The following VPS8 variants were observed in gnomAD, a reference collection of about 807,000 sequenced individuals.
VPS8 encodes the protein VPS8 subunit of CORVET complex, also known as vacuolar protein sorting-associated protein 8 homolog.
VPS8 carries 129 observed loss-of-function variants against 216.4 expected under a neutral mutation model. That is an observed-to-expected ratio of 0.60 (90% CI 0.52 to 0.69). The LOEUF (loss-of-function observed/expected upper bound fraction) is 0.69. VPS8 is among the 30% of genes least tolerant of loss of function. VPS8 has a pLI of 0.00. For synonymous variants in VPS8, 571 were observed against 565.4 expected (o/e 1.01, Z -0.14); for missense variants, 1,531 against 1,683.5 (o/e 0.91, Z 1.59).
chr3:184,869,666 C>G (rs1270890971), intron 20 of VPS8, 138 bp downstream of exon 20: 2 of 784,674 alleles, frequency 2.5e-6, no homozygotes, highest in Non-Finnish European at 4.0e-6. Context: ...CACACAGACA[C>G]ACACTTGGGG....
chr3:184,875,715 G>A (rs1304447206), intron 21 of VPS8, among the ~76,000 whole-genome samples: 2 of 151,578 alleles, frequency 1.3e-5, no homozygotes, highest in Non-Finnish European at 2.9e-5. Flanking sequence ...GGCCAGGGAT[G>A]ATGGCTCACA....
intron 21 of VPS8, among the ~76,000 whole-genome samples, chr3:184,878,360 C>T (rs565100547): frequency 1.3e-5 from 2 of 152,158 alleles, no homozygotes; most frequent in African/African-American, 2.4e-5. Context: ...CCACCCGCCT[C>T]GGCCTCCTAA....
chr3:185,005,815 T>C (rs1754168964), intron 45 of VPS8, among the ~76,000 whole-genome samples: 1 of 152,130 alleles, frequency 6.6e-6, no homozygotes, highest in Non-Finnish European at 1.5e-5. Flanking sequence ...CTTTAGGGTT[T>C]TTAAGGTACA....
At chr3:185,045,177 C>T (rs1176160072) in intron 46 of VPS8, among the ~76,000 whole-genome samples, 2 of 42,362 alleles carry the variant, frequency 4.7e-5, no homozygotes, top group Non-Finnish European at 8.8e-5. Flanking sequence ...CCACCAGTGT[C>T]AATACAAAGT....
At position 184,833,030 on chromosome 3, in the gene VPS8, A is replaced by G. The variant is rs571969150; in HGVS notation, c.353+211A>G. On this transcript the variant is annotated intron_variant, in intron 4 of 47. Coordinates refer to ENST00000625842, the MANE Select transcript of VPS8 (RefSeq NM_001009921.3). The stretch of plus-strand genomic sequence containing the variant: ...CAGTCTGAACTCTCGGTAGGAAACC[A>G]TAATGATAGCCAGGGACTTCTGGAA... Among the ~76,000 whole-genome samples the G allele has an allele frequency of 1.6e-4, 25 of 152,296 alleles. 1 individual carries two copies. Among genetic ancestry groups the G allele is most frequent in the African/African-American group, 5.5e-4 (23 of 41,580 alleles).
chr3:184,963,290 C>T (rs1171873607), intron 37 of VPS8, among the ~76,000 whole-genome samples: 1 of 152,096 alleles, frequency 6.6e-6, no homozygotes, highest in Non-Finnish European at 1.5e-5. Flanking sequence ...ACTGACATCT[C>T]TGTAGTGTTG....
In VPS8 at chr3:184,913,544, G is replaced by T. The variant is rs1426585386; in HGVS notation, c.2172G>T (p.Lys724Asn). ...ATGAACAAGTTGTTATGGGCAATAA[G>T]CTCCTTGTATATATTAGGTAAGATT... The part of the protein sequence containing the change: ...LTDEQVVMGN[K>N]LLVYISCCLA... Residue 724 changes from lysine (K) to asparagine (N), a missense_variant, in exon 26 of 48, where the codon AAG becomes AAT. This residue lies in a region of VPS8 where 1,318 missense variants were observed against 1,468.4 expected (regional missense o/e 0.90). Coordinates refer to ENST00000625842, the MANE Select transcript of VPS8 (RefSeq NM_001009921.3). 1.9e-6 allele frequency: 3 copies of T among 1,585,488 alleles called. No individual in the cohort carries two copies. Among genetic ancestry groups the T allele is most frequent in the Non-Finnish European group, 2.6e-6 (3 of 1,165,804 alleles).
intron 17 of VPS8, among the ~76,000 whole-genome samples, chr3:184,867,642 T>A (rs1055637594): frequency 6.6e-6 from 1 of 152,150 alleles, no homozygotes; most frequent in African/African-American, 2.4e-5. Context: ...GGCTAAGAGT[T>A]CAAGACCAGC....
chr3:184,847,230 C>CT (rs919511437), intron 8 of VPS8, among the ~76,000 whole-genome samples: 2 of 152,066 alleles, frequency 1.3e-5, no homozygotes, highest in African/African-American at 4.8e-5. Context: ...TTTCAGAACT[C>CT]TTTTTTGGGA....
At chr3:184,906,821 T>C (rs1300281755) in intron 25 of VPS8, among the ~76,000 whole-genome samples, 1 of 152,178 alleles carries the variant, frequency 6.6e-6, no homozygotes, top group African/African-American at 2.4e-5. Context: ...CTTAGGTTTC[T>C]TTTCCTCAGT....
intron 20 of VPS8, 108 bp downstream of exon 20, chr3:184,869,636 T>C (rs1018606170): frequency 5.4e-5 from 62 of 1,143,388 alleles, no homozygotes; most frequent in Non-Finnish European, 7.1e-5. Flanking sequence ...TAGAAGAGAG[T>C]GTATTAAAAA....
At chr3:185,044,283 C>T (rs997659413) in intron 46 of VPS8, among the ~76,000 whole-genome samples, 1 of 152,182 alleles carries the variant, frequency 6.6e-6, no homozygotes, top group Non-Finnish European at 1.5e-5. Context: ...TGGACTGTCC[C>T]AATTCAGATC....
chr3:184,984,585 G>A (rs1436097191), intron 42 of VPS8, among the ~76,000 whole-genome samples: 2 of 152,010 alleles, frequency 1.3e-5, no homozygotes, highest in Admixed American at 6.6e-5. Flanking sequence ...GAGCCACAGC[G>A]CCCGGCCAGA....
intron 35 of VPS8, among the ~76,000 whole-genome samples, chr3:184,938,641 C>CTTT (rs1298836777): frequency 6.5e-5 from 9 of 138,120 alleles, no homozygotes; most frequent in African/African-American, 9.3e-5. Context: ...CTTTTCTTTT[C>CTTT]TTTTTTTCTT....
chr3:184,905,181 C>T (rs1277143918), intron 25 of VPS8, among the ~76,000 whole-genome samples: 2 of 152,152 alleles, frequency 1.3e-5, no homozygotes, highest in Admixed American at 1.3e-4. Flanking sequence ...CCCCAAAGGC[C>T]CCCACCTCCC....
Position 184,855,706 on chromosome 3 carries a change from C to G in VPS8, c.1036-5C>G. The G allele has an allele frequency of 6.2e-7, 1 of 1,604,958 alleles. No individual in the cohort carries two copies. The highest frequency in any genetic ancestry group is 1.7e-4 in the Middle Eastern group (1 of 6,040). On this transcript the variant is annotated splice_region_variant and splice_polypyrimidine_tract_variant and intron_variant, in intron 13 of 47. Transcript: ENST00000625842. ...ATGATTTTTTTTTTCCATCTCCCTA[C>G]TTAGATGGATCCTTCCAGTGTGCCA...
chr3:184,891,652 G>T (rs936505016), intron 22 of VPS8, among the ~76,000 whole-genome samples: 3 of 152,060 alleles, frequency 2.0e-5, no homozygotes, highest in African/African-American at 7.2e-5. Flanking sequence ...ACGAACTGTG[G>T]TACTTGTATC....
chr3:185,024,276 G>T, intron 45 of VPS8, 60 bp from the exon 46 acceptor site: 2 of 1,434,202 alleles, frequency 1.4e-6, no homozygotes, highest in East Asian at 2.5e-5. Flanking sequence ...TTTGAATGTG[G>T]GTCAGACAAA....
At chr3:184,878,907 G>A (rs1471681162) in intron 21 of VPS8, among the ~76,000 whole-genome samples, 6 of 152,136 alleles carry the variant, frequency 3.9e-5, no homozygotes, top group African/African-American at 1.4e-4. Flanking sequence ...TCTGTGTGTA[G>A]ATAGATATGT....
Sources: gnomAD v4.1 joint callset for allele counts (sites outside exome capture counted in the v4.1 genomes callset) on GRCh38, gnomAD v4.1.1 for gene constraint, gnomAD v4.1.1 regional missense constraint, MANE v1.5 for transcripts, NCBI Gene and HGNC (gene_info 2026-07-23, HGNC 2026-07-21) for gene names.